The following COL22A1 variants were observed in gnomAD, a reference collection of about 807,000 sequenced individuals.
COL22A1 encodes collagen alpha-1(XXII) chain.
In COL22A1, 221 loss-of-function variants were observed where a neutral mutation model predicts 248.9. The ratio of observed to expected loss-of-function variants is 0.89; its 90% CI spans 0.80 to 0.99. The LOEUF (loss-of-function observed/expected upper bound fraction) is 0.99, where lower values mean the gene tolerates loss of function less well. Among genes scored for constraint, COL22A1 ranks in the 50% least tolerant of loss-of-function variants. The probability of loss-of-function intolerance (pLI) is 0.00; values close to 1 mark genes in which losing one functional copy is unlikely to be tolerated. For missense variants in COL22A1, 2,240 were observed against 2,179.0 expected (o/e 1.03, Z -0.56); for synonymous variants, 891 against 793.4 (o/e 1.12, Z -2.07).
At chr8:138,805,485 A>ATGTGAGGGTGTG (rs1817466646) in intron 10 of COL22A1, among the ~76,000 whole-genome samples, 1 of 111,004 alleles carries the variant, frequency 9.0e-6, no homozygotes, top group Non-Finnish European at 1.8e-5. Flanking sequence ...ATGGGATGGC[A>ATGTGAGGGTGTG]TGTGATGGTG....
At chr8:138,889,564 G>A (rs7819073) in intron 1 of COL22A1, among the ~76,000 whole-genome samples, 14,174 of 152,048 alleles carry the variant, frequency 0.093, 1,122 homozygotes, top group African/African-American at 0.21. Flanking sequence ...GGACTGTTGT[G>A]GGGTGGGGGG....
rs752530142 is a variant in COL22A1, at chr8:138,722,089, C to T, written c.2248G>A (p.Gly750Arg). Residue 750 changes from glycine to arginine, a missense_variant and splice_region_variant, in exon 26 of 65, where the codon GGA becomes AGA. Physicochemically the swap from Gly to Arg is moderately radical, Grantham distance 125. Transcript: ENST00000303045. ...TTTGGCCCGTCCTTTCCAGGGGGTCCCTGGGCCAAGAGGGGAAAACATAAA... is the reference window on the plus strand; with the variant it reads ...TTTGGCCCGTCCTTTCCAGGGGGTCTCTGGGCCAAGAGGGGAAAACATAAA... ...PGKPGPPGPT[G>R]PPGKDGPNGP... 52 of 1,580,508 alleles carry T rather than the reference C, an allele frequency of 3.3e-5. No individual in the cohort carries two copies. The highest frequency in any genetic ancestry group is 4.4e-5 in the Non-Finnish European group (51 of 1,161,520).
intron 31 of COL22A1, among the ~76,000 whole-genome samples, chr8:138,702,591 A>G (rs1307953788): frequency 6.6e-6 from 1 of 150,842 alleles, no homozygotes; most frequent in African/African-American, 2.5e-5. Flanking sequence ...GGATCTCAAG[A>G]TGAGGAAGAA....
At chr8:138,810,116 G>A (rs1490355513) in intron 9 of COL22A1, among the ~76,000 whole-genome samples, 1 of 152,158 alleles carries the variant, frequency 6.6e-6, no homozygotes, top group Non-Finnish European at 1.5e-5. Flanking sequence ...GATGGATGGA[G>A]AATAAGGAAA....
At chr8:138,615,969 A>G in intron 55 of COL22A1, 32 bp downstream of exon 55, 1 of 1,581,490 alleles carries the variant, frequency 6.3e-7, no homozygotes, top group South Asian at 1.1e-5. Context: ...CCCCAGCCCC[A>G]GCCCAGCCAG....
intron 10 of COL22A1, 64 bp from the exon 11 acceptor site, chr8:138,802,998 A>G: frequency 7.5e-7 from 1 of 1,325,726 alleles, no homozygotes; most frequent in Non-Finnish European, 1.1e-6. Flanking sequence ...TTGCACACAC[A>G]GGACCCTCAC....
At chr8:138,763,480 C>T (rs1833677417) in intron 16 of COL22A1, among the ~76,000 whole-genome samples, 1 of 152,176 alleles carries the variant, frequency 6.6e-6, no homozygotes, top group Admixed American at 6.5e-5. Context: ...ATCGTCTTCC[C>T]CTAGCTGTGC....
intron 1 of COL22A1, among the ~76,000 whole-genome samples, chr8:138,898,691 A>G (rs1814309594): frequency 6.6e-6 from 1 of 152,112 alleles, no homozygotes; most frequent in African/African-American, 2.4e-5. Flanking sequence ...CTTTGTTCCC[A>G]TTGCCTAGCT....
intron 22 of COL22A1, among the ~76,000 whole-genome samples, chr8:138,741,851 C>T (rs76711151): frequency 0.052 from 7,864 of 151,974 alleles, 329 homozygotes; most frequent in African/African-American, 0.11. Context: ...GTGGTGGTGG[C>T]GGTGATGGGG....
chr8:138,833,100 C>G lies in COL22A1; in HGVS notation c.784G>C (p.Glu262Gln). 1 of 1,614,076 alleles carries G rather than the reference C, an allele frequency of 6.2e-7. No individual in the cohort carries two copies. The highest frequency in any genetic ancestry group is 8.5e-7 in the Non-Finnish European group (1 of 1,179,890). The change falls in exon 5 of 65, where the codon GAG (glutamate) becomes CAG (glutamine). Residue 262 changes from glutamate (E) to glutamine (Q), a missense_variant. Glu to Gln is a conservative substitution (Grantham distance 29, BLOSUM62 2). Coordinates refer to ENST00000303045, the MANE Select transcript of COL22A1 (RefSeq NM_152888.3). ...ACATAGGAACTCTGAGCTCCATTCT[C>G]TCTCTTCCCCAAGATTTCCTTCACA... ...FSVKEILGKRENGAQSSYVRM... is the reference protein window; with the variant it reads ...FSVKEILGKRQNGAQSSYVRM...
chr8:138,898,826 G>C (rs1586995200), intron 1 of COL22A1, among the ~76,000 whole-genome samples: 1 of 151,962 alleles, frequency 6.6e-6, no homozygotes, highest in Non-Finnish European at 1.5e-5. Context: ...TTTCTCTCTT[G>C]CCTGGAGCAC....
chr8:138,740,852 C>T (rs1169609836), intron 22 of COL22A1, among the ~76,000 whole-genome samples: 1 of 152,138 alleles, frequency 6.6e-6, no homozygotes, highest in East Asian at 1.9e-4. Context: ...GTACCTTCCG[C>T]ACCCCCAGCA....
At chr8:138,771,528 CT>C in intron 16 of COL22A1, among the ~76,000 whole-genome samples, 1 of 152,326 alleles carries the variant, frequency 6.6e-6, no homozygotes, top group East Asian at 1.9e-4. Flanking sequence ...CGCAGTGTTC[CT>C]TGACTGAACA....
intron 3 of COL22A1, among the ~76,000 whole-genome samples, chr8:138,876,756 T>A (rs1259208780): frequency 6.6e-6 from 1 of 152,104 alleles, no homozygotes; most frequent in Non-Finnish European, 1.5e-5. Flanking sequence ...CCCAAAGCTT[T>A]CCCTGCCCCT....
intron 39 of COL22A1, among the ~76,000 whole-genome samples, chr8:138,680,578 C>T (rs1025544666): frequency 7.9e-5 from 12 of 152,124 alleles, no homozygotes; most frequent in African/African-American, 2.7e-4. Flanking sequence ...AAATAACTCC[C>T]TTCCTTGATT....
chr8:138,642,387 G>A (rs949930038), intron 47 of COL22A1, among the ~76,000 whole-genome samples: 21 of 152,182 alleles, frequency 1.4e-4, no homozygotes, highest in African/African-American at 5.1e-4. Flanking sequence ...GGAACACTGA[G>A]CACTCTGCCC....
intron 61 of COL22A1, 84 bp from the exon 62 acceptor site, chr8:138,597,054 G>C (rs1378608642): frequency 8.9e-7 from 1 of 1,127,754 alleles, no homozygotes; most frequent in East Asian, 2.4e-5. Context: ...AAACCAGGAA[G>C]TTCGTAGGTG....
chr8:138,631,087 TG>T (rs1820684446), intron 49 of COL22A1, among the ~76,000 whole-genome samples: 1 of 152,200 alleles, frequency 6.6e-6, no homozygotes, highest in African/African-American at 2.4e-5. Flanking sequence ...TCCTCTATGA[TG>T]GGAAGTTCCC....
chr8:138,630,779 T>C (rs1333262135), intron 49 of COL22A1, 31 bp from the exon 50 acceptor site: 1 of 1,605,462 alleles, frequency 6.2e-7, no homozygotes, highest in South Asian at 1.1e-5. Context: ...AGCTAGTTTC[T>C]TGTGCATCTA....
Sources: allele counts gnomAD v4.1 joint callset (sites outside exome capture counted in the v4.1 genomes callset), GRCh38; gene constraint gnomAD v4.1.1; transcripts MANE v1.5; gene names NCBI Gene and HGNC (gene_info 2026-07-23, HGNC 2026-07-21).